NXPE2: variants seen among roughly 807,000 people sequenced by gnomAD.
NXPE2 encodes neurexophilin and PC-esterase domain family member 2, also known as NXPE family member 2.
A neutral mutation model predicts 34.4 loss-of-function variants in NXPE2; 34 were observed. The ratio of observed to expected loss-of-function variants is 0.99; its 90% CI spans 0.75 to 1.31. NXPE2 has a LOEUF of 1.31. Among genes scored for constraint, NXPE2 ranks in the 40% most tolerant of loss-of-function variants. NXPE2 has a pLI of 0.00. For missense variants in NXPE2, 649 were observed against 672.5 expected (o/e 0.97, Z 0.39); for synonymous variants, 235 against 231.3 (o/e 1.02, Z -0.15).
At chr11:114,663,088 C>A in the NXPE2 span, among the ~76,000 whole-genome samples, 6 of 152,178 alleles carry the variant, frequency 3.9e-5, no homozygotes, top group African/African-American at 1.4e-4. Flanking sequence ...GGGTCAGTAC[C>A]AGGCCAGGCA....
chr11:114,514,903 CT>C, the NXPE2 span, among the ~76,000 whole-genome samples: 1 of 151,970 alleles, frequency 6.6e-6, no homozygotes. Flanking sequence ...TTTTAATAAA[CT>C]ATATATTTAT....
At chr11:114,811,197 A>AG in the NXPE2 span, among the ~76,000 whole-genome samples, 1 of 68,610 alleles carries the variant, frequency 1.5e-5, no homozygotes, top group Non-Finnish European at 2.7e-5. Flanking sequence ...GGGTGGGGGG[A>AG]GGGGGGAGGG....
At chr11:114,558,190 A>G in the NXPE2 span, among the ~76,000 whole-genome samples, 1 of 152,070 alleles carries the variant, frequency 6.6e-6, no homozygotes, top group African/African-American at 2.4e-5. Context: ...ACACACATCT[A>G]TGTATATGTG....
chr11:114,792,881 C>G, the NXPE2 span, among the ~76,000 whole-genome samples: 1 of 152,148 alleles, frequency 6.6e-6, no homozygotes, highest in South Asian at 2.1e-4. Flanking sequence ...GCTTAGAAAA[C>G]AAAGTCTATG....
chr11:114,642,281 G>C, the NXPE2 span, among the ~76,000 whole-genome samples: 1 of 151,974 alleles, frequency 6.6e-6, no homozygotes. Flanking sequence ...GAGGGATACT[G>C]TTTATAAAAT....
At chr11:114,808,053 T>C in the NXPE2 span, among the ~76,000 whole-genome samples, 1 of 152,136 alleles carries the variant, frequency 6.6e-6, no homozygotes, top group Non-Finnish European at 1.5e-5. Context: ...TCAAAACTGC[T>C]CAACTACATG....
At chr11:114,738,352 C>T in the NXPE2 span, among the ~76,000 whole-genome samples, 2,075 of 152,246 alleles carry the variant, frequency 0.014, 83 homozygotes, top group Admixed American at 0.083. Flanking sequence ...ACTCAGCCAC[C>T]AGAGTCCTAC....
At chr11:114,681,667 GATTATA>G (rs1950953776) in intron 2 of NXPE2, among the ~76,000 whole-genome samples, 1 of 151,888 alleles carries the variant, frequency 6.6e-6, no homozygotes, top group Non-Finnish European at 1.5e-5. Flanking sequence ...TTAACATAAC[GATTATA>G]ATTATTACTG....
chr11:114,491,154 G>T, the NXPE2 span, among the ~76,000 whole-genome samples: 1 of 44,048 alleles, frequency 2.3e-5, no homozygotes, highest in South Asian at 7.5e-4. Flanking sequence ...GGGCGACAGA[G>T]CGAGACTCCG....
chr11:114,474,825 T>A, the NXPE2 span, among the ~76,000 whole-genome samples: 2 of 152,286 alleles, frequency 1.3e-5, no homozygotes, highest in East Asian at 1.9e-4. Context: ...ATTGAGGCAG[T>A]CCTTGCTTTG....
chr11:114,601,845 A>G, the NXPE2 span, among the ~76,000 whole-genome samples: 1 of 56,032 alleles, frequency 1.8e-5, no homozygotes, highest in African/African-American at 8.0e-5. Context: ...TATATATAAT[A>G]TAAAATATAT....
the NXPE2 span, among the ~76,000 whole-genome samples, chr11:114,637,160 A>C: frequency 6.6e-6 from 1 of 151,742 alleles, no homozygotes; most frequent in Admixed American, 6.6e-5. Flanking sequence ...TATTGGGTCC[A>C]TATATATTTA....
the NXPE2 span, among the ~76,000 whole-genome samples, chr11:114,804,895 C>T: frequency 6.6e-6 from 1 of 152,338 alleles, no homozygotes; most frequent in South Asian, 2.1e-4. Context: ...CTGTAGACTA[C>T]TATCCAGATC....
the NXPE2 span, among the ~76,000 whole-genome samples, chr11:114,800,847 C>T: frequency 7.1e-6 from 1 of 141,550 alleles, no homozygotes; most frequent in South Asian, 2.4e-4. Context: ...AATCTTGTGT[C>T]TAGAATGTAG....
chr11:114,758,480 A>AT, the NXPE2 span, among the ~76,000 whole-genome samples: 1 of 152,198 alleles, frequency 6.6e-6, no homozygotes. Context: ...ACTCATTGAG[A>AT]TATGTTGATA....
At chr11:114,609,442 G>A in the NXPE2 span, among the ~76,000 whole-genome samples, 1 of 151,730 alleles carries the variant, frequency 6.6e-6, no homozygotes, top group Non-Finnish European at 1.5e-5. Context: ...TGCCTCTCTG[G>A]TAACCACTGT....
the NXPE2 span, among the ~76,000 whole-genome samples, chr11:114,477,105 T>C: frequency 6.6e-6 from 1 of 152,170 alleles, no homozygotes; most frequent in African/African-American, 2.4e-5. Flanking sequence ...GGCATATTTA[T>C]ACAATGGAGT....
the NXPE2 span, among the ~76,000 whole-genome samples, chr11:114,716,406 G>C: frequency 1.3e-5 from 2 of 152,200 alleles, no homozygotes; most frequent in Non-Finnish European, 2.9e-5. Flanking sequence ...AGGAAGAGGG[G>C]AGGAGGGATG....
chr11:114,653,613 C>T, the NXPE2 span, among the ~76,000 whole-genome samples: 1 of 144,924 alleles, frequency 6.9e-6, no homozygotes, highest in East Asian at 2.2e-4. Flanking sequence ...CTGCAAGCTT[C>T]AACTTCTGGG....
Sources: gnomAD v4.1 joint callset for allele counts (sites outside exome capture counted in the v4.1 genomes callset) on GRCh38, gnomAD v4.1.1 for gene constraint, MANE v1.5 for transcripts, NCBI Gene and HGNC (gene_info 2026-07-23, HGNC 2026-07-21) for gene names.